Variants in SRBD1 observed in about 807,000 individuals in gnomAD.
The protein encoded by SRBD1 is S1 RNA-binding domain-containing protein 1.
Under a neutral mutation model 115.3 loss-of-function variants are expected in SRBD1, and 88 were observed. The ratio of observed to expected loss-of-function variants is 0.76; its 90% CI spans 0.64 to 0.91. The LOEUF (loss-of-function observed/expected upper bound fraction) is 0.91, where lower values mean the gene tolerates loss of function less well. Among genes scored for constraint, SRBD1 ranks in the 40% least tolerant of loss-of-function variants. The pLI, the probability that SRBD1 is intolerant of heterozygous loss-of-function variation, is 0.00. For missense variants in SRBD1, 1,385 were observed against 1,177.4 expected (o/e 1.18, Z -2.58); for synonymous variants, 509 against 407.7 (o/e 1.25, Z -2.99).
intron 16 of SRBD1, among the ~76,000 whole-genome samples, chr2:45,467,356 T>C (rs925906872): frequency 1.3e-5 from 2 of 152,216 alleles, no homozygotes; most frequent in African/African-American, 4.8e-5. Flanking sequence ...AGGTTTCTCA[T>C]TTAAATAATT....
intron 18 of SRBD1, among the ~76,000 whole-genome samples, chr2:45,414,548 GTC>G (rs1667713278): frequency 5.3e-5 from 8 of 151,074 alleles, no homozygotes; most frequent in African/African-American, 1.9e-4. Flanking sequence ...CACACATAGT[GTC>G]TGTAGTGTGT....
chr2:45,561,971 G>A (rs1672676566), intron 10 of SRBD1, among the ~76,000 whole-genome samples: 1 of 152,010 alleles, frequency 6.6e-6, no homozygotes, highest in East Asian at 1.9e-4. Context: ...AAACACTTCA[G>A]ATATGATACA....
At chr2:45,420,896 G>T (rs1324191219) in intron 16 of SRBD1, among the ~76,000 whole-genome samples, 2 of 151,898 alleles carry the variant, frequency 1.3e-5, no homozygotes, top group Non-Finnish European at 2.9e-5. Flanking sequence ...GTTGTTCTAG[G>T]GTACATGTGC....
At chr2:45,547,396 T>C (rs1368781475) in intron 13 of SRBD1, 126 bp downstream of exon 13, 1 of 780,534 alleles carries the variant, frequency 1.3e-6, no homozygotes, top group Non-Finnish European at 2.0e-6. Flanking sequence ...CCCAGAACTG[T>C]TTTATATGGT....
chr2:45,478,295 C>G (rs1398473913), intron 15 of SRBD1, among the ~76,000 whole-genome samples: 2 of 152,194 alleles, frequency 1.3e-5, no homozygotes, highest in African/African-American at 4.8e-5. Context: ...TCATCTCTTG[C>G]AAGTGACTCT....
At chr2:45,604,234 C>T (rs945707384) in intron 2 of SRBD1, among the ~76,000 whole-genome samples, 1 of 151,902 alleles carries the variant, frequency 6.6e-6, no homozygotes, top group Admixed American at 6.6e-5. Context: ...CATGTAACAT[C>T]CCAACCCAAA....
At chr2:45,563,239 C>G (rs1451130561) in intron 9 of SRBD1, among the ~76,000 whole-genome samples, 2 of 152,026 alleles carry the variant, frequency 1.3e-5, no homozygotes. Context: ...CTTAGAGTCA[C>G]CAGTAATGTG....
intron 9 of SRBD1, chr2:45,569,112 C>T (rs912465827): frequency 1.3e-5 from 2 of 151,276 alleles, no homozygotes; most frequent in Non-Finnish European, 2.9e-5. Flanking sequence ...GGATAATTCA[C>T]ACTCTTCATG....
chr2:45,543,387 T>C (rs1270662734), intron 14 of SRBD1, among the ~76,000 whole-genome samples: 2 of 152,146 alleles, frequency 1.3e-5, no homozygotes, highest in Non-Finnish European at 2.9e-5. Flanking sequence ...AATTAGGATA[T>C]ATATCATGGC....
intron 2 of SRBD1, among the ~76,000 whole-genome samples, chr2:45,603,239 G>A (rs1373424194): frequency 6.6e-6 from 1 of 152,136 alleles, no homozygotes; most frequent in East Asian, 1.9e-4. Flanking sequence ...CACAAGCACA[G>A]ATACCGTTGT....
intron 4 of SRBD1, among the ~76,000 whole-genome samples, chr2:45,594,821 A>G (rs1361979566): frequency 6.6e-6 from 1 of 152,254 alleles, no homozygotes; most frequent in East Asian, 1.9e-4. Flanking sequence ...AAGAAATCTA[A>G]AGAATGATAA....
intron 5 of SRBD1, 56 bp downstream of exon 5, chr2:45,585,552 G>A: frequency 1.3e-6 from 2 of 1,535,288 alleles, no homozygotes; most frequent in South Asian, 2.4e-5. Flanking sequence ...CTTTCTCACT[G>A]TTCCTCATTG....
intron 1 of SRBD1, among the ~76,000 whole-genome samples, chr2:45,608,005 C>T (rs1674326317): frequency 6.6e-6 from 1 of 152,194 alleles, no homozygotes; most frequent in Non-Finnish European, 1.5e-5. Flanking sequence ...CCCAGATCAC[C>T]TTACAATCAC....
At chr2:45,542,558 C>T (rs1364283812) in intron 14 of SRBD1, among the ~76,000 whole-genome samples, 1 of 152,192 alleles carries the variant, frequency 6.6e-6, no homozygotes, top group Non-Finnish European at 1.5e-5. Context: ...AGATGGGCTG[C>T]CACTGCCACC....
chr2:45,525,728 T>C (rs1209508679), intron 14 of SRBD1, among the ~76,000 whole-genome samples: 1 of 152,018 alleles, frequency 6.6e-6, no homozygotes, highest in Non-Finnish European at 1.5e-5. Flanking sequence ...GAAGAAAATA[T>C]TAACATTTTT....
chr2:45,565,557 T>G (rs77217791), intron 9 of SRBD1, among the ~76,000 whole-genome samples: 2,423 of 152,278 alleles, frequency 0.016, 61 homozygotes, highest in African/African-American at 0.055. Flanking sequence ...TTTTATGACC[T>G]CAAGTCATAA....
At chr2:45,554,553 C>T (rs182633572) in intron 10 of SRBD1, among the ~76,000 whole-genome samples, 1 of 152,276 alleles carries the variant, frequency 6.6e-6, no homozygotes, top group East Asian at 1.9e-4. Context: ...TACCAGGCAA[C>T]ATCTGCATAT....
intron 14 of SRBD1, among the ~76,000 whole-genome samples, chr2:45,515,958 T>C (rs1183502872): frequency 1.3e-5 from 2 of 152,146 alleles, no homozygotes; most frequent in East Asian, 3.9e-4. Flanking sequence ...AGGGAATCCC[T>C]AGATATAACT....
At chr2:45,562,469 C>T (rs1414752675) in intron 10 of SRBD1, among the ~76,000 whole-genome samples, 184 bp downstream of exon 10, 2 of 152,108 alleles carry the variant, frequency 1.3e-5, no homozygotes, top group Admixed American at 6.5e-5. Context: ...CCTGACCTCG[C>T]GATCCACCCC....
Sources: allele counts gnomAD v4.1 joint callset (sites outside exome capture counted in the v4.1 genomes callset), GRCh38; gene constraint gnomAD v4.1.1; transcripts MANE v1.5; gene names NCBI Gene and HGNC (gene_info 2026-07-23, HGNC 2026-07-21).